The following TBC1D14 variants were observed in gnomAD, a reference collection of about 807,000 sequenced individuals.
The protein encoded by TBC1D14 is TBC1 domain family member 14.
Under a neutral mutation model 79.0 loss-of-function variants are expected in TBC1D14, and 26 were observed. That is an observed-to-expected ratio of 0.33 (90% confidence interval 0.24 to 0.46). The LOEUF is 0.46. TBC1D14 is among the 20% of genes least tolerant of loss of function. The probability of loss-of-function intolerance (pLI) is 1.00; values close to 1 mark genes in which losing one functional copy is unlikely to be tolerated. For missense variants in TBC1D14, 769 were observed against 887.6 expected (o/e 0.87, Z 1.70); for synonymous variants, 394 against 349.9 (o/e 1.13, Z -1.40).
chr4:6,944,411 G>C (rs1416108009), intron 2 of TBC1D14, among the ~76,000 whole-genome samples: 2 of 152,330 alleles, frequency 1.3e-5, no homozygotes, highest in Non-Finnish European at 2.9e-5. Flanking sequence ...ATGGGCTTCA[G>C]AGTGCGGTGC....
At chr4:6,961,833 G>A (rs1481376542) in intron 2 of TBC1D14, among the ~76,000 whole-genome samples, 1 of 152,252 alleles carries the variant, frequency 6.6e-6, no homozygotes, top group East Asian at 1.9e-4. Context: ...GTATGCAGCC[G>A]AAAAAAGGCA....
chr4:6,918,916 C>G (rs758876855), intron 1 of TBC1D14, among the ~76,000 whole-genome samples: 2 of 152,062 alleles, frequency 1.3e-5, no homozygotes, highest in African/African-American at 2.4e-5. Context: ...TGTGAATTCT[C>G]TTAGAATTCT....
intron 3 of TBC1D14, among the ~76,000 whole-genome samples, chr4:6,985,685 C>G (rs6851488): frequency 2.8e-5 from 4 of 143,372 alleles, no homozygotes; most frequent in African/African-American, 1.0e-4. Context: ...AATGGAGTAA[C>G]AAATAGCACA....
chr4:6,998,118 C>A (rs1308322547), intron 5 of TBC1D14, among the ~76,000 whole-genome samples: 1 of 152,112 alleles, frequency 6.6e-6, no homozygotes, highest in African/African-American at 2.4e-5. Flanking sequence ...CACCTGTAAT[C>A]CCAGCACTTT....
intron 12 of TBC1D14, among the ~76,000 whole-genome samples, chr4:7,017,471 C>T (rs1577179189): frequency 6.6e-6 from 1 of 152,170 alleles, no homozygotes; most frequent in African/African-American, 2.4e-5. Context: ...GAGGCAGTGT[C>T]ACCCATAAGA....
chr4:6,928,526 C>T (rs531256158), intron 2 of TBC1D14, among the ~76,000 whole-genome samples: 2 of 152,274 alleles, frequency 1.3e-5, no homozygotes, highest in South Asian at 4.1e-4. Context: ...GTAATGGCAC[C>T]TCTTGTAAAC....
At chr4:7,028,141 C>T (rs757274052) in intron 13 of TBC1D14, among the ~76,000 whole-genome samples, 2 of 151,888 alleles carry the variant, frequency 1.3e-5, no homozygotes, top group African/African-American at 2.4e-5. Context: ...CACACCCACA[C>T]GTACACATTA....
At chr4:7,022,563 G>C (rs1721935366) in intron 12 of TBC1D14, among the ~76,000 whole-genome samples, 2 of 152,226 alleles carry the variant, frequency 1.3e-5, no homozygotes, top group African/African-American at 4.8e-5. Flanking sequence ...AGGGGACAGA[G>C]GCTGATGCCA....
At chr4:7,024,401 C>T (rs1239220728) in intron 12 of TBC1D14, among the ~76,000 whole-genome samples, 2 of 152,188 alleles carry the variant, frequency 1.3e-5, no homozygotes, top group African/African-American at 4.8e-5. Flanking sequence ...CGAGCACTGT[C>T]AGTGTTGGGC....
At chr4:6,943,472 G>A (rs1713111083) in intron 2 of TBC1D14, among the ~76,000 whole-genome samples, 1 of 152,216 alleles carries the variant, frequency 6.6e-6, no homozygotes, top group Admixed American at 6.5e-5. Flanking sequence ...CCTACGGGGC[G>A]TGCAGGATCT....
intron 1 of TBC1D14, among the ~76,000 whole-genome samples, chr4:6,911,012 C>G (rs185120419): frequency 6.6e-6 from 1 of 152,122 alleles, no homozygotes; most frequent in South Asian, 2.1e-4. Flanking sequence ...GCTGTCTTGC[C>G]TAGCTTTTAT....
chr4:6,987,026 C>G (rs1387675726), intron 3 of TBC1D14: 1 of 415,344 alleles, frequency 2.4e-6, no homozygotes, highest in Non-Finnish European at 3.7e-6. Flanking sequence ...CGCCTGTCGG[C>G]GCGCGTCCCC....
At chr4:6,969,507 G>A (rs964628672) in intron 3 of TBC1D14, among the ~76,000 whole-genome samples, 2 of 152,062 alleles carry the variant, frequency 1.3e-5, no homozygotes, top group African/African-American at 4.8e-5. Flanking sequence ...CCGGATTCAT[G>A]TCATTCTCCT....
chr4:7,021,429 G>A (rs1721823735), intron 12 of TBC1D14, among the ~76,000 whole-genome samples: 1 of 151,998 alleles, frequency 6.6e-6, no homozygotes, highest in Non-Finnish European at 1.5e-5. Flanking sequence ...GAGACCCTAT[G>A]TCTACAAATA....
At chr4:6,974,938 G>A (rs764117516) in intron 3 of TBC1D14, among the ~76,000 whole-genome samples, 12 of 151,280 alleles carry the variant, frequency 7.9e-5, no homozygotes, top group Non-Finnish European at 1.5e-4. Context: ...TTGAGATGGA[G>A]TCTTGCTCTG....
intron 2 of TBC1D14, among the ~76,000 whole-genome samples, chr4:6,954,064 C>G (rs1035442631): frequency 1.3e-5 from 2 of 152,226 alleles, no homozygotes; most frequent in African/African-American, 2.4e-5. Flanking sequence ...GCTTTGCTTC[C>G]CAGACTTTGG....
intron 1 of TBC1D14, among the ~76,000 whole-genome samples, chr4:6,915,242 A>T (rs1723304266): frequency 6.6e-6 from 1 of 152,124 alleles, no homozygotes; most frequent in Non-Finnish European, 1.5e-5. Flanking sequence ...GGAGGCTCTT[A>T]GTCTCCCCAG....
At chr4:7,030,305 C>G in intron 13 of TBC1D14, 22 bp from the exon 14 acceptor site, 6 of 1,612,570 alleles carry the variant, frequency 3.7e-6, no homozygotes, top group Non-Finnish European at 5.1e-6. Context: ...TTAACCTCAG[C>G]TGTCTTCCCT....
intron 2 of TBC1D14, among the ~76,000 whole-genome samples, chr4:6,935,395 T>C (rs1267927243): frequency 6.6e-6 from 1 of 152,118 alleles, no homozygotes; most frequent in African/African-American, 2.4e-5. Context: ...GAGTGGGATC[T>C]AGAGTTCAAC....
Sources: gnomAD v4.1 joint callset for allele counts (sites outside exome capture counted in the v4.1 genomes callset) on GRCh38, gnomAD v4.1.1 for gene constraint, MANE v1.5 for transcripts, NCBI Gene and HGNC (gene_info 2026-07-23, HGNC 2026-07-21) for gene names.